INVS: variants seen among roughly 807,000 people sequenced by gnomAD.
The protein encoded by INVS is inversion of embryo turning homolog.
INVS carries 86 observed loss-of-function variants against 108.8 expected under a neutral mutation model. That is an observed-to-expected ratio of 0.79 (90% confidence interval 0.66 to 0.95). The LOEUF (loss-of-function observed/expected upper bound fraction) is 0.95. Among genes scored for constraint, INVS ranks in the 40% least tolerant of loss-of-function variants. The pLI is 0.00. For missense variants in INVS, 1,169 were observed against 1,297.4 expected (o/e 0.90, Z 1.52); for synonymous variants, 455 against 473.5 (o/e 0.96, Z 0.51).
At chr9:100,196,995 C>T (rs1417925492) in intron 3 of INVS, among the ~76,000 whole-genome samples, 1 of 152,134 alleles carries the variant, frequency 6.6e-6, no homozygotes, top group Non-Finnish European at 1.5e-5. Flanking sequence ...CTGTAGCAGA[C>T]ACCCAGCTGG....
intron 3 of INVS, among the ~76,000 whole-genome samples, chr9:100,136,069 TA>T (rs1434823216): frequency 6.6e-6 from 1 of 152,070 alleles, no homozygotes; most frequent in African/African-American, 2.4e-5. Context: ...AATGACTCAA[TA>T]AATGGATGGA....
At chr9:100,273,629 C>G (rs1018881890) in intron 12 of INVS, among the ~76,000 whole-genome samples, 7 of 149,866 alleles carry the variant, frequency 4.7e-5, no homozygotes, top group Admixed American at 1.3e-4. Flanking sequence ...CCTCCACCTC[C>G]CAGGTTCAAG....
At chr9:100,273,350 G>C (rs770436994) in intron 12 of INVS, among the ~76,000 whole-genome samples, 18 of 152,102 alleles carry the variant, frequency 1.2e-4, no homozygotes, top group Non-Finnish European at 2.2e-4. Flanking sequence ...ACCCATGGGA[G>C]GGAGTTGGGG....
intron 3 of INVS, among the ~76,000 whole-genome samples, chr9:100,225,720 GA>G (rs1482273446): frequency 1.3e-5 from 2 of 150,836 alleles, no homozygotes; most frequent in East Asian, 1.9e-4. Context: ...AAAAAAATGT[GA>G]AAAAAGATGT....
intron 3 of INVS, among the ~76,000 whole-genome samples, chr9:100,211,386 A>G (rs1286852909): frequency 6.6e-6 from 1 of 152,208 alleles, no homozygotes; most frequent in Non-Finnish European, 1.5e-5. Context: ...TGAAGGCATT[A>G]ATTTTCATAA....
At position 100,301,032 on chromosome 9, in the gene INVS, C is replaced by G. The variant is rs1054327267; in HGVS notation, c.*358C>G. The G allele has an allele frequency of 3.2e-6, 1 of 310,558 alleles. No homozygotes were observed. The highest frequency in any genetic ancestry group is 6.2e-6 in the Non-Finnish European group (1 of 161,118). The allele number at this position is 310,558 out of a possible 1,614,324, so 19.2% of individuals were successfully genotyped here. A position where few individuals can be genotyped will look rare whatever the true frequency, so the allele number is the denominator to read the frequency against. ...CTGGGTTGGGATTTCTGCCAGCTAGCTGGTACTGGCTTCTTGTTTCAAGAG... is the reference window on the plus strand; with the variant it reads ...CTGGGTTGGGATTTCTGCCAGCTAGGTGGTACTGGCTTCTTGTTTCAAGAG... On this transcript the variant is annotated 3_prime_UTR_variant, in exon 17 of 17. Transcript: ENST00000262457.
chr9:100,168,077 A>G (rs926769073), intron 3 of INVS, among the ~76,000 whole-genome samples: 22 of 151,796 alleles, frequency 1.4e-4, no homozygotes, highest in African/African-American at 4.8e-4. Flanking sequence ...ATAGCCACAG[A>G]CTGTCCATTT....
chr9:100,243,909 G>A (rs565713929), intron 7 of INVS, among the ~76,000 whole-genome samples: 1 of 152,136 alleles, frequency 6.6e-6, no homozygotes, highest in Non-Finnish European at 1.5e-5. Context: ...TACTTGGGAA[G>A]CTGAGGCAGA....
intron 3 of INVS, among the ~76,000 whole-genome samples, chr9:100,138,418 T>TTA (rs35768916): frequency 0.016 from 2,374 of 150,696 alleles, 37 homozygotes; most frequent in African/African-American, 0.032. Context: ...AAAAAAAATT[T>TTA]TATATATATA....
At chr9:100,143,389 C>G (rs573949171) in intron 3 of INVS, among the ~76,000 whole-genome samples, 17 of 151,964 alleles carry the variant, frequency 1.1e-4, no homozygotes, top group Non-Finnish European at 1.9e-4. Flanking sequence ...CTGTAGCAGG[C>G]GAGTAATAGC....
chr9:100,258,174 C>A (rs1407527205), intron 10 of INVS, among the ~76,000 whole-genome samples: 1 of 152,166 alleles, frequency 6.6e-6, no homozygotes, highest in African/African-American at 2.4e-5. Flanking sequence ...CACTGATACC[C>A]TTTCTTCCAC....
intron 10 of INVS, among the ~76,000 whole-genome samples, chr9:100,259,450 A>G (rs1317492427): frequency 6.6e-6 from 1 of 151,980 alleles, no homozygotes; most frequent in Non-Finnish European, 1.5e-5. Flanking sequence ...CAGTGAGATG[A>G]ACCCGGTACC....
intron 3 of INVS, among the ~76,000 whole-genome samples, chr9:100,218,790 A>G (rs1387320949): frequency 6.6e-6 from 1 of 152,178 alleles, no homozygotes; most frequent in African/African-American, 2.4e-5. Context: ...CAGAAGCAGG[A>G]CACCATCCAA....
chr9:100,196,306 A>G (rs1278023514), intron 3 of INVS, among the ~76,000 whole-genome samples: 1 of 152,144 alleles, frequency 6.6e-6, no homozygotes, highest in African/African-American at 2.4e-5. Context: ...TTCAGTCCTC[A>G]ATTCTCCTTT....
At chr9:100,287,643 A>G (rs1351577560) in intron 13 of INVS, among the ~76,000 whole-genome samples, 1 of 152,108 alleles carries the variant, frequency 6.6e-6, no homozygotes, top group African/African-American at 2.4e-5. Flanking sequence ...CCGCTCGCTC[A>G]TGCTCTCTCC....
chr9:100,185,942 C>T (rs980251913), intron 3 of INVS, among the ~76,000 whole-genome samples: 4 of 152,124 alleles, frequency 2.6e-5, no homozygotes, highest in Admixed American at 2.6e-4. Flanking sequence ...TTCATCTGCT[C>T]ATCAGTTGAT....
intron 3 of INVS, among the ~76,000 whole-genome samples, chr9:100,192,248 A>AGTGTGTGTGTGT (rs58132596): frequency 1.3e-3 from 192 of 145,012 alleles, no homozygotes; most frequent in Middle Eastern, 3.5e-3. Context: ...GGGAAAAAAG[A>AGTGTGTGTGTGT]GTGTGTGTGT....
At chr9:100,270,702 C>T (rs1358536445) in intron 11 of INVS, among the ~76,000 whole-genome samples, 10 of 146,886 alleles carry the variant, frequency 6.8e-5, no homozygotes, top group Non-Finnish European at 1.3e-4. Context: ...GAGCTGAGAT[C>T]GCGTCATTGC....
intron 2 of INVS, among the ~76,000 whole-genome samples, chr9:100,112,569 CAG>C (rs1307158164): frequency 6.6e-6 from 1 of 151,264 alleles, no homozygotes; most frequent in African/African-American, 2.4e-5. Flanking sequence ...TCAATTAGGA[CAG>C]GGGTGTTCAA....
Sources: gnomAD v4.1 joint callset for allele counts (sites outside exome capture counted in the v4.1 genomes callset) on GRCh38, gnomAD v4.1.1 for gene constraint, MANE v1.5 for transcripts, NCBI Gene and HGNC (gene_info 2026-07-23, HGNC 2026-07-21) for gene names.